Variants in TSHZ3 observed in about 807,000 individuals in gnomAD.
TSHZ3 encodes the protein teashirt zinc finger homeobox 3, also known as teashirt homolog 3.
TSHZ3 carries 10 observed loss-of-function variants against 64.5 expected under a neutral mutation model. The ratio of observed to expected loss-of-function variants is 0.16; its 90% CI spans 0.10 to 0.26. The LOEUF (loss-of-function observed/expected upper bound fraction) is 0.26. TSHZ3 is among the 10% of genes least tolerant of loss of function. The pLI is 1.00. For synonymous variants in TSHZ3, 608 were observed against 593.1 expected, an observed-to-expected ratio of 1.03 and a Z score of -0.36; for missense variants, 1,242 against 1,421.7, an observed-to-expected ratio of 0.87 and a Z score of 2.03.
chr19:31,195,820 CAT>C (rs1490333178), intron 5 of TSHZ3: 3 of 151,892 alleles, frequency 2.0e-5, no homozygotes, highest in Admixed American at 6.6e-5. Flanking sequence ...TCAATATAGT[CAT>C]GTGTATACAG....
intron 1 of TSHZ3, among the ~76,000 whole-genome samples, chr19:31,257,548 C>T (rs1168620889): frequency 1.3e-5 from 2 of 152,196 alleles, no homozygotes; most frequent in Admixed American, 6.5e-5. Flanking sequence ...TGGAGGACCC[C>T]GTGAAATGAC....
At position 31,279,102 on chromosome 19, in the gene TSHZ3, C is replaced by T; in HGVS notation, c.691G>A (p.Val231Met). Residue 231 changes from valine to methionine, a missense_variant, in exon 2 of 2, where the codon GTG becomes ATG. Val to Met is a conservative substitution (Grantham distance 21, BLOSUM62 1). This residue lies in a region of TSHZ3 where 555 missense variants were observed against 704.0 expected (regional missense o/e 0.79). Coordinates refer to ENST00000240587, the MANE Select transcript of TSHZ3 (RefSeq NM_020856.4). This position sits in a 1 kb window ranked among gnomAD's most constrained non-coding sequence, Gnocchi z 6.4. Reference sequence around the variant, plus strand: ...TAATGCCCCGTCTCGTTCATGTGCACCGTCAACTCCACCAGGGTGTCGTAG... The same window carrying T: ...TAATGCCCCGTCTCGTTCATGTGCATCGTCAACTCCACCAGGGTGTCGTAG... ...AAYDTLVELT[V>M]HMNETGHYRD... is the part of the protein sequence containing the mutation. 6.2e-7 allele frequency: 1 copy of T among 1,614,006 alleles called. No individual in the cohort carries two copies.
intron 5 of TSHZ3, among the ~76,000 whole-genome samples, chr19:31,192,459 C>T (rs1272907993): frequency 6.6e-6 from 1 of 152,188 alleles, no homozygotes; most frequent in African/African-American, 2.4e-5. Flanking sequence ...ATACCCTATA[C>T]TCTGTCAAGG....
chr19:31,206,526 T>G (rs946966238), intron 4 of TSHZ3, among the ~76,000 whole-genome samples: 1 of 152,238 alleles, frequency 6.6e-6, no homozygotes, highest in Non-Finnish European at 1.5e-5. Flanking sequence ...ATCCTTGGGC[T>G]GCTTCACCAT....
rs35192337 is a variant in TSHZ3 at position 31,213,356 on chromosome 19, C to CAAAAAAAAAAAAAAAAAAAAAAA, written n.687-8301_687-8279dup. ...TGAGCAACAGAGCGAGACTCTGTCT[C>CAAAAAAAAAAAAAAAAAAAAAAA]AAAAAAAAAAAAAAAAAAAAAAAAA... On this transcript the variant is annotated intron_variant and non_coding_transcript_variant, in intron 4 of 6. Transcript: ENST00000651361. Among the ~76,000 whole-genome samples, 6 of 23,308 alleles carry CAAAAAAAAAAAAAAAAAAAAAAA rather than the reference C, an allele frequency of 2.6e-4. 1 individual carries two copies. The highest frequency in any genetic ancestry group is 1.1e-3 in the Admixed American group (1 of 880). The allele number at this position is 23,308 out of a possible 152,430, so 15.3% of individuals were successfully genotyped here.
rs181635510 is a variant in TSHZ3 at position 31,234,098 on chromosome 19, T to C, written n.551-5958A>G. On this transcript the variant is annotated intron_variant and non_coding_transcript_variant, in intron 3 of 6. Transcript: ENST00000651361. ...TCTTCCTTAATTTCTTTCAAAAATG[T>C]TTTATAGCTTTCCATGTAGAAATCT... 3.7e-3 allele frequency among the ~76,000 whole-genome samples: 562 copies of C among 152,276 alleles called. 4 individuals are homozygous for C. Among genetic ancestry groups the C allele is most frequent in the African/African-American group, 0.013 (527 of 41,574 alleles).
intron 3 of TSHZ3, among the ~76,000 whole-genome samples, chr19:31,229,142 G>A (rs1012878603): frequency 6.6e-6 from 1 of 152,190 alleles, no homozygotes; most frequent in Non-Finnish European, 1.5e-5. Context: ...GCCTCAATTT[G>A]TGTATAAGTC....
chr19:31,235,183 A>AT (rs1311998750), intron 3 of TSHZ3, among the ~76,000 whole-genome samples: 8 of 152,194 alleles, frequency 5.3e-5, no homozygotes, highest in Non-Finnish European at 1.0e-4. Flanking sequence ...ACAATAAAAT[A>AT]TTTTTCATGT....
chr19:31,279,648 C>A lies in TSHZ3; in HGVS notation c.145G>T (p.Glu49Ter). ...GGGCAGGCCCTGGCGAGCTCCTTCT[C>A]CGGGCACATGTACTTGGCCGAGGGC... is the stretch of plus-strand genomic sequence containing the variant. ...GEPSAKYMCP[E>*]KELARACPSY... Residue 49 changes from glutamate (E) to a stop codon, truncating the protein, a stop_gained, in exon 2 of 2, where the codon GAG becomes TAG. Coordinates refer to ENST00000240587, the MANE Select transcript of TSHZ3 (RefSeq NM_020856.4). LOFTEE classifies it high-confidence loss of function. The surrounding 1 kb of genome is among the most constrained non-coding windows in gnomAD (Gnocchi z 6.4). 6.2e-7 allele frequency: 1 copy of A among 1,609,784 alleles called. No individual in the cohort carries two copies. The highest frequency in any genetic ancestry group is 8.5e-7 in the Non-Finnish European group (1 of 1,177,764).
At chr19:31,305,680 A>G (rs1916271931) in intron 1 of TSHZ3, 1 of 152,196 alleles carries the variant, frequency 6.6e-6, no homozygotes, top group Non-Finnish European at 1.5e-5. Flanking sequence ...GGTGATAAAG[A>G]GAGGAAAACA....
At chr19:31,350,243 G>A (rs1007106847), upstream of TSHZ3, among the ~76,000 whole-genome samples, 3 of 149,740 alleles carry the variant, frequency 2.0e-5, no homozygotes, top group Non-Finnish European at 3.0e-5. Flanking sequence ...GGTGGGGGCA[G>A]CCCTCAGACC....
At chr19:31,212,502 A>G (rs62101208) in intron 4 of TSHZ3, among the ~76,000 whole-genome samples, 2 of 152,164 alleles carry the variant, frequency 1.3e-5, no homozygotes, top group Non-Finnish European at 2.9e-5. Flanking sequence ...AAAGGCTCTC[A>G]TTATGTATCA....
intron 5 of TSHZ3, among the ~76,000 whole-genome samples, chr19:31,159,328 G>A (rs1428154084): frequency 1.3e-5 from 2 of 152,002 alleles, no homozygotes; most frequent in East Asian, 1.9e-4. Flanking sequence ...AAGGACCTTC[G>A]TGATTACAGA....
At chr19:31,334,008 A>G (rs1158834335) in intron 1 of TSHZ3, among the ~76,000 whole-genome samples, 4 of 152,214 alleles carry the variant, frequency 2.6e-5, no homozygotes, top group Non-Finnish European at 5.9e-5. Flanking sequence ...ATCAGAAAGT[A>G]TGGAGCTCCA....
At chr19:31,242,072 T>C (rs1975697958) in intron 3 of TSHZ3, among the ~76,000 whole-genome samples, 1 of 152,202 alleles carries the variant, frequency 6.6e-6, no homozygotes, top group South Asian at 2.1e-4. Flanking sequence ...TTTAGGCATA[T>C]TTTTGAAATG....
intron 5 of TSHZ3, among the ~76,000 whole-genome samples, chr19:31,199,208 A>G (rs1271665515): frequency 6.6e-6 from 1 of 152,052 alleles, no homozygotes; most frequent in Non-Finnish European, 1.5e-5. Context: ...GATGGAGACC[A>G]TCCTGGCCAA....
chr19:31,350,226 C>G (rs1345304227), upstream of TSHZ3, among the ~76,000 whole-genome samples: 1 of 150,354 alleles, frequency 6.7e-6, no homozygotes. Flanking sequence ...GGGCGCGGGC[C>G]GGGGCGGGTG....
At chr19:31,315,536 G>A (rs1173898467) in intron 1 of TSHZ3, among the ~76,000 whole-genome samples, 1 of 152,248 alleles carries the variant, frequency 6.6e-6, no homozygotes, top group Non-Finnish European at 1.5e-5. Flanking sequence ...AGGGAGCTGG[G>A]TGTGTGCGCC....
At chr19:31,342,873 G>A (rs1328500157) in intron 1 of TSHZ3, among the ~76,000 whole-genome samples, 1 of 152,212 alleles carries the variant, frequency 6.6e-6, no homozygotes, top group Non-Finnish European at 1.5e-5. Context: ...GAAGGGAGAG[G>A]GCAGCCAATC....
Sources: allele counts gnomAD v4.1 joint callset (sites outside exome capture counted in the v4.1 genomes callset), GRCh38; gene constraint gnomAD v4.1.1; regional missense constraint gnomAD v4.1.1; non-coding constraint Gnocchi (gnomAD v3.1); transcripts MANE v1.5; gene names NCBI Gene and HGNC (gene_info 2026-07-23, HGNC 2026-07-21).